The following MRAP2 variants were observed in gnomAD, a reference collection of about 807,000 sequenced individuals.
MRAP2 encodes the protein melanocortin-2 receptor accessory protein 2.
MRAP2 carries 20 observed loss-of-function variants against 17.4 expected under a neutral mutation model. That is an observed-to-expected ratio of 1.15 (90% CI 0.81 to 1.67). The LOEUF is 1.67. MRAP2 is among the 40% of genes most tolerant of loss of function. MRAP2 has a pLI of 0.00. For missense variants in MRAP2, 238 were observed against 240.0 expected, an observed-to-expected ratio of 0.99 and a Z score of 0.05; for synonymous variants, 96 against 88.4, an observed-to-expected ratio of 1.09 and a Z score of -0.48.
chr6:84,121,233 C>T, the MRAP2 span, among the ~76,000 whole-genome samples: 1 of 151,972 alleles, frequency 6.6e-6, no homozygotes, highest in Admixed American at 6.6e-5. Flanking sequence ...TGTCACCACA[C>T]CTGGCTAATT....
chr6:84,108,414 T>C, the MRAP2 span, among the ~76,000 whole-genome samples: 3 of 152,224 alleles, frequency 2.0e-5, no homozygotes. Context: ...TTGATATGCA[T>C]TTCTCTAATG....
At chr6:84,141,955 G>A in the MRAP2 span, among the ~76,000 whole-genome samples, 1 of 152,104 alleles carries the variant, frequency 6.6e-6, no homozygotes, top group African/African-American at 2.4e-5. Flanking sequence ...CCTTCTTGGA[G>A]AAAACTTCCG....
At chr6:84,059,832 A>G (rs527354657) in intron 2 of MRAP2, among the ~76,000 whole-genome samples, 1 of 152,176 alleles carries the variant, frequency 6.6e-6, no homozygotes, top group African/African-American at 2.4e-5. Flanking sequence ...TTTGCTCTGT[A>G]TAAAGCTTTA....
intron 1 of MRAP2, among the ~76,000 whole-genome samples, chr6:84,046,780 CAAAAAAAA>C: frequency 4.3e-5 from 1 of 23,154 alleles, no homozygotes; most frequent in Non-Finnish European, 8.8e-5. Context: ...AACTCCATCT[CAAAAAAAA>C]AAAAAAAAAA....
chr6:84,119,970 T>C, the MRAP2 span, among the ~76,000 whole-genome samples: 1 of 152,188 alleles, frequency 6.6e-6, no homozygotes, highest in Non-Finnish European at 1.5e-5. Flanking sequence ...AGATTTATCA[T>C]GGGAATTGGT....
At chr6:84,128,115 GCAGAGAGGTAGGTGTTTA>G in the MRAP2 span, among the ~76,000 whole-genome samples, 1 of 152,190 alleles carries the variant, frequency 6.6e-6, no homozygotes, top group African/African-American at 2.4e-5. Context: ...GCTGCCCATG[GCAGAGAGGTAGGTGTTTA>G]ACAATTATTC....
At chr6:84,141,253 A>AT in the MRAP2 span, among the ~76,000 whole-genome samples, 33 of 150,672 alleles carry the variant, frequency 2.2e-4, no homozygotes, top group South Asian at 8.5e-4. Context: ...TCAAAAAATG[A>AT]TTTTTTTTTT....
At chr6:84,082,467 CCT>C (rs1337817421) in intron 3 of MRAP2, among the ~76,000 whole-genome samples, 2 of 152,188 alleles carry the variant, frequency 1.3e-5, no homozygotes, top group Non-Finnish European at 2.9e-5. Context: ...TCCCATTCTT[CCT>C]CTTTCTTAAA....
intron 3 of MRAP2, among the ~76,000 whole-genome samples, chr6:84,086,749 C>T (rs1036736302): frequency 1.3e-5 from 2 of 152,138 alleles, no homozygotes; most frequent in Admixed American, 1.3e-4. Flanking sequence ...AAAGGCACCT[C>T]AGAGGGGCTT....
the MRAP2 span, among the ~76,000 whole-genome samples, chr6:84,138,128 T>C: frequency 6.6e-6 from 1 of 152,220 alleles, no homozygotes; most frequent in Non-Finnish European, 1.5e-5. Context: ...AGTTCACTAA[T>C]GGTTTAAAAT....
At chr6:84,084,544 T>C (rs943557849) in intron 3 of MRAP2, among the ~76,000 whole-genome samples, 1 of 152,244 alleles carries the variant, frequency 6.6e-6, no homozygotes, top group Non-Finnish European at 1.5e-5. Flanking sequence ...GAACCTGTTG[T>C]AATCTGTAAA....
intron 1 of MRAP2, among the ~76,000 whole-genome samples, chr6:84,042,668 G>A (rs1350401821): frequency 2.6e-5 from 4 of 152,172 alleles, no homozygotes; most frequent in African/African-American, 9.7e-5. Flanking sequence ...AAGATGAGGA[G>A]GCTATGGGGT....
the MRAP2 span, among the ~76,000 whole-genome samples, chr6:84,111,401 C>G: frequency 1.3e-5 from 2 of 151,990 alleles, no homozygotes; most frequent in East Asian, 1.9e-4. Flanking sequence ...ATTTGGCTCT[C>G]TCTTTGTCTA....
chr6:84,092,531 G>A (rs1485737705), downstream of MRAP2, among the ~76,000 whole-genome samples: 1 of 151,922 alleles, frequency 6.6e-6, no homozygotes. Context: ...TTCATCCTGG[G>A]GAAAAACTCT....
chr6:84,041,530 C>T (rs2099487587), intron 1 of MRAP2, among the ~76,000 whole-genome samples: 1 of 152,186 alleles, frequency 6.6e-6, no homozygotes, highest in Non-Finnish European at 1.5e-5. Flanking sequence ...TCAATGCCAG[C>T]TGTGAAGGCG....
intron 3 of MRAP2, among the ~76,000 whole-genome samples, chr6:84,083,512 A>G (rs1378962687): frequency 6.6e-6 from 1 of 152,214 alleles, no homozygotes; most frequent in East Asian, 1.9e-4. Flanking sequence ...AATTACAGAA[A>G]CAAATTTATT....
rs150287262 is a variant in MRAP2 at position 84,056,258 on chromosome 6, T to A, written c.127+813T>A. 4.4e-4 allele frequency among the ~76,000 whole-genome samples: 67 copies of A among 152,358 alleles called. 2 individuals are homozygous for A. Among genetic ancestry groups the A allele is most frequent in the African/African-American group, 1.5e-3 (64 of 41,590 alleles). On this transcript the variant is annotated intron_variant, in intron 2 of 3. Coordinates refer to ENST00000257776, the MANE Select transcript of MRAP2 (RefSeq NM_138409.4). ...GGTTAGTGGGACACATTAGGAAATA[T>A]AAGAGGGCTTAGAATCAGAGAAACA...
intron 3 of MRAP2, among the ~76,000 whole-genome samples, chr6:84,085,787 CA>C (rs1465082615): frequency 6.6e-6 from 1 of 152,186 alleles, no homozygotes; most frequent in African/African-American, 2.4e-5. Context: ...GTACTCTCCA[CA>C]AGGACACTTC....
At chr6:84,039,721 G>A (rs2129157491) in intron 1 of MRAP2, among the ~76,000 whole-genome samples, 1 of 152,290 alleles carries the variant, frequency 6.6e-6, no homozygotes, top group Non-Finnish European at 1.5e-5. Flanking sequence ...AGGTGCATTT[G>A]TTTTCCTCTT....
Sources: allele counts gnomAD v4.1 joint callset (sites outside exome capture counted in the v4.1 genomes callset), GRCh38; gene constraint gnomAD v4.1.1; transcripts MANE v1.5; gene names NCBI Gene and HGNC (gene_info 2026-07-23, HGNC 2026-07-21).